Variants in TMEM130 observed in about 807,000 individuals in gnomAD.
The protein encoded by TMEM130 is transmembrane protein 130.
Under a neutral mutation model 42.9 loss-of-function variants are expected in TMEM130, and 37 were observed. That is an observed-to-expected ratio of 0.86 (90% confidence interval 0.66 to 1.13). The LOEUF (loss-of-function observed/expected upper bound fraction) is 1.13, where lower values mean the gene tolerates loss of function less well. TMEM130 is among the 50% of genes most tolerant of loss of function. The pLI, the probability that TMEM130 is intolerant of heterozygous loss-of-function variation, is 0.00. For synonymous variants in TMEM130, 259 were observed against 237.7 expected (o/e 1.09, Z -0.82); for missense variants, 545 against 562.6 (o/e 0.97, Z 0.32).
At chr7:98,849,832 A>C (rs1794446514) in intron 6 of TMEM130, among the ~76,000 whole-genome samples, 2 of 152,044 alleles carry the variant, frequency 1.3e-5, no homozygotes. Context: ...AGGTAGAAGT[A>C]GGTTGGGCAT....
At chr7:98,854,127 T>C (rs899098401) in intron 5 of TMEM130, among the ~76,000 whole-genome samples, 10 of 149,454 alleles carry the variant, frequency 6.7e-5, no homozygotes, top group Non-Finnish European at 5.9e-5. Context: ...AACCTCCATC[T>C]CCCAGGTTCA....
intron 2 of TMEM130, among the ~76,000 whole-genome samples, chr7:98,861,311 C>T (rs1331771708): frequency 6.6e-6 from 1 of 151,906 alleles, no homozygotes; most frequent in African/African-American, 2.4e-5. Context: ...GCACTCCAGC[C>T]TGGGTGACAG....
At chr7:98,867,550 T>C (rs1255232887) in intron 1 of TMEM130, among the ~76,000 whole-genome samples, 1 of 152,174 alleles carries the variant, frequency 6.6e-6, no homozygotes, top group African/African-American at 2.4e-5. Flanking sequence ...TGCATGCTAA[T>C]GGCCAAACAG....
In TMEM130 at chr7:98,848,624, T is replaced by C; in HGVS notation, c.1078A>G (p.Met360Val). 1.2e-6 allele frequency: 2 copies of C among 1,614,066 alleles called. No individual in the cohort carries two copies. The highest frequency in any genetic ancestry group is 1.7e-6 in the Non-Finnish European group (2 of 1,179,972). Residue 360 changes from methionine to valine, a missense_variant, in exon 7 of 8, where the codon ATG (methionine) becomes GTG (valine). Transcript: ENST00000339375. ...TGCTGAGTGGCATTCCGCAGGGTCA[T>C]GTACATGATGAAGGCCAACATCACA... is the stretch of plus-strand genomic sequence containing the variant. The part of the protein sequence containing the change: ...ITVMLAFIMY[M>V]TLRNATQQKD...
intron 1 of TMEM130, among the ~76,000 whole-genome samples, chr7:98,867,851 C>T (rs1554400826): frequency 6.6e-6 from 1 of 152,216 alleles, no homozygotes; most frequent in Non-Finnish European, 1.5e-5. Flanking sequence ...ATGGCCAGGA[C>T]ATCCAGGGTG....
chr7:98,863,038 T>A (rs1794821810), intron 2 of TMEM130, 57 bp downstream of exon 2: 4 of 1,543,008 alleles, frequency 2.6e-6, no homozygotes, highest in Non-Finnish European at 3.5e-6. Context: ...CGAAGCTTGA[T>A]GTTTTTCTCT....
At chr7:98,856,864 G>A (rs1480746945) in intron 3 of TMEM130, among the ~76,000 whole-genome samples, 1 of 151,954 alleles carries the variant, frequency 6.6e-6, no homozygotes, top group Non-Finnish European at 1.5e-5. Flanking sequence ...CCTGCAAATT[G>A]TCTGCTTTCC....
At chr7:98,855,990 A>T (rs781852483) in intron 4 of TMEM130, 27 bp downstream of exon 4, 1 of 1,608,308 alleles carries the variant, frequency 6.2e-7, no homozygotes, top group East Asian at 2.2e-5. Flanking sequence ...GAACGCCCAG[A>T]CTGCATCAGC....
In TMEM130 at chr7:98,869,980, C is replaced by T; in HGVS notation, c.-119G>A. On this transcript the variant is annotated 5_prime_UTR_variant, in exon 1 of 8. Coordinates refer to ENST00000339375, the MANE Select transcript of TMEM130 (RefSeq NM_152913.3). The surrounding 1 kb of genome is among the most constrained non-coding windows in gnomAD (Gnocchi z 4.7). ...CGCGGGCGGTGCGGGGAGGTGCGGG[C>T]GCCGTGCTCGCTCGTCCTCGCCGGG... The T allele has an allele frequency of 3.3e-6, 2 of 604,790 alleles. No individual in the cohort carries two copies. The highest frequency in any genetic ancestry group is 4.8e-6 in the Non-Finnish European group (2 of 419,952). The allele number at this position is 604,790 out of a possible 1,614,324, so 37.5% of individuals were successfully genotyped here.
chr7:98,862,284 GAGAC>G (rs1239504037), intron 2 of TMEM130, among the ~76,000 whole-genome samples: 5 of 83,238 alleles, frequency 6.0e-5, no homozygotes, highest in East Asian at 3.2e-4. Flanking sequence ...CAGAGACAAA[GAGAC>G]AGAGACAGAA....
intron 3 of TMEM130, among the ~76,000 whole-genome samples, chr7:98,859,538 T>G (rs1366070412): frequency 6.6e-6 from 1 of 151,242 alleles, no homozygotes; most frequent in African/African-American, 2.4e-5. Flanking sequence ...AGAGAGGAGG[T>G]GCTTGAAGGA....
chr7:98,851,971 G>A (rs1390153177), intron 5 of TMEM130, among the ~76,000 whole-genome samples: 2 of 152,060 alleles, frequency 1.3e-5, no homozygotes, highest in Non-Finnish European at 2.9e-5. Flanking sequence ...TTACGAGACA[G>A]GGACTCACTC....
At chr7:98,857,020 C>T (rs1554399113) in intron 3 of TMEM130, among the ~76,000 whole-genome samples, 1 of 151,960 alleles carries the variant, frequency 6.6e-6, no homozygotes, top group African/African-American at 2.4e-5. Flanking sequence ...CTCTTAGGCT[C>T]AAGCAGTCCT....
intron 7 of TMEM130, 117 bp downstream of exon 7, chr7:98,848,466 G>T: frequency 1.2e-6 from 1 of 838,950 alleles, no homozygotes; most frequent in Non-Finnish European, 2.0e-6. Flanking sequence ...AAGTCCCGGA[G>T]CCTCGCTGTA....
At chr7:98,867,431 C>G (rs1794933128) in intron 1 of TMEM130, among the ~76,000 whole-genome samples, 2 of 152,088 alleles carry the variant, frequency 1.3e-5, no homozygotes, top group Admixed American at 1.3e-4. Flanking sequence ...ACCACCTCCT[C>G]CCTTATCCCC....
Position 98,863,349 on chromosome 7 carries a change from AC to A in TMEM130, c.136del (p.Val46TrpfsTer2). On this transcript the variant is annotated frameshift_variant, in exon 2 of 8. Transcript: ENST00000339375. LOFTEE classifies it high-confidence loss of function. ...TTDSPATTGA[V>X]VTISASLVAK... ...CACCAGGCTGGCCGAGATGGTCACCACCGCTCCCGTGGTGGCAGGGCTATCG... is the reference window on the plus strand; with the variant it reads ...CACCAGGCTGGCCGAGATGGTCACCACGCTCCCGTGGTGGCAGGGCTATCG... 1 of 1,608,386 alleles carries A rather than the reference AC, an allele frequency of 6.2e-7. No individual in the cohort carries two copies. The highest frequency in any genetic ancestry group is 8.5e-7 in the Non-Finnish European group (1 of 1,178,942).
chr7:98,863,174 C>G lies in TMEM130; in HGVS notation c.312G>C (p.Pro104=). 1.9e-6 allele frequency: 3 copies of G among 1,614,094 alleles called. No individual in the cohort carries two copies. The highest frequency in any genetic ancestry group is 2.5e-6 in the Non-Finnish European group (3 of 1,180,026). The change falls in exon 2 of 8, where the codon CCG becomes CCC. Residue 104 remains proline (P), a synonymous_variant. Transcript: ENST00000339375. ...CAGCGGCAGTGACCCAGACAGAGAC[C>G]GGGAATTCCCCGGGCACGTGGCCGA... is the stretch of plus-strand genomic sequence containing the variant. ...RVVGHVPGEF[P]VSVWVTAADC...
chr7:98,865,660 T>C (rs1794891111), intron 1 of TMEM130: 1 of 151,786 alleles, frequency 6.6e-6, no homozygotes, highest in Admixed American at 6.6e-5. Context: ...TTTTCAACTA[T>C]TTCAACTATT....
At chr7:98,859,253 A>T (rs1169653473) in intron 3 of TMEM130, among the ~76,000 whole-genome samples, 1 of 151,974 alleles carries the variant, frequency 6.6e-6, no homozygotes, top group African/African-American at 2.4e-5. Flanking sequence ...CAACATAGCA[A>T]GACCCTGTTC....
Sources: allele counts gnomAD v4.1 joint callset (sites outside exome capture counted in the v4.1 genomes callset), GRCh38; gene constraint gnomAD v4.1.1; non-coding constraint Gnocchi (gnomAD v3.1); transcripts MANE v1.5; gene names NCBI Gene and HGNC (gene_info 2026-07-23, HGNC 2026-07-21).